Variants in SUMF1 observed in about 807,000 individuals in gnomAD.
The protein encoded by SUMF1 is formylglycine-generating enzyme.
In SUMF1, 48 loss-of-function variants were observed where a neutral mutation model predicts 47.6. That is an observed-to-expected ratio of 1.01 (90% CI 0.80 to 1.28). The LOEUF is 1.28. Among genes scored for constraint, SUMF1 ranks in the 50% most tolerant of loss-of-function variants. SUMF1 has a pLI of 0.00. For synonymous variants in SUMF1, 230 were observed against 192.1 expected, an observed-to-expected ratio of 1.20 and a Z score of -1.63; for missense variants, 571 against 485.4, an observed-to-expected ratio of 1.18 and a Z score of -1.66.
Position 4,217,514 on chromosome 3 carries a change from T to TATATATATATATATATAAATATA in SUMF1, c.1015-148770_1015-148769insTATATTTATATATATATATATAT, listed in dbSNP as rs1553610066. Among the ~76,000 whole-genome samples, 7 of 45,198 alleles carry TATATATATATATATATAAATATA rather than the reference T, an allele frequency of 1.5e-4. 2 individuals carry two copies. The highest frequency in any genetic ancestry group is 5.2e-4 in the African/African-American group (5 of 9,624). 29.7% of individuals were successfully genotyped at this position (45,198 alleles called of 152,430 possible). A position where few individuals can be genotyped will look rare whatever the true frequency, so the allele number is the denominator to read the frequency against. ...TGTATCCCAGAACTTAAAGTATTTT[T>TATATATATATATATATAAATATA]TATATATATATATATATATATATAT... On this transcript the variant is annotated intron_variant and NMD_transcript_variant, in intron 8 of 12. Transcript: ENST00000448413.
At chr3:4,195,870 A>C (rs1695416076) in intron 8 of SUMF1, among the ~76,000 whole-genome samples, 3 of 152,176 alleles carry the variant, frequency 2.0e-5, no homozygotes, top group Admixed American at 6.6e-5. Context: ...TATCTATGAA[A>C]AAACACCAAA....
intron 1 of SUMF1, among the ~76,000 whole-genome samples, chr3:4,456,813 CGTGT>C (rs764743431): frequency 1.1e-4 from 12 of 112,520 alleles, no homozygotes; most frequent in Middle Eastern, 5.1e-3. Flanking sequence ...TATATATATA[CGTGT>C]GTGTGTATAT....
chr3:4,313,521 T>C (rs375310794), intron 8 of SUMF1: 13 of 1,613,930 alleles, frequency 8.1e-6, no homozygotes, highest in South Asian at 1.1e-5. Context: ...AACTCTCTTA[T>C]GATTATTCAG....
At chr3:4,425,855 G>T (rs1418994108) in intron 3 of SUMF1, among the ~76,000 whole-genome samples, 1 of 152,222 alleles carries the variant, frequency 6.6e-6, no homozygotes, top group African/African-American at 2.4e-5. Context: ...GGAAGGTAAA[G>T]GGGCAGCAAA....
intron 8 of SUMF1, among the ~76,000 whole-genome samples, chr3:4,134,083 T>A (rs1243705617): frequency 1.3e-5 from 2 of 151,986 alleles, no homozygotes; most frequent in Non-Finnish European, 2.9e-5. Context: ...AACAAGGATA[T>A]CCAGGAATTG....
chr3:4,146,433 T>C (rs1694194993), intron 8 of SUMF1, among the ~76,000 whole-genome samples: 1 of 151,962 alleles, frequency 6.6e-6, no homozygotes. Flanking sequence ...GGAGAAGTCT[T>C]TAGTACTTTC....
chr3:4,328,255 A>C (rs527469189), intron 8 of SUMF1, among the ~76,000 whole-genome samples: 1 of 152,172 alleles, frequency 6.6e-6, no homozygotes, highest in South Asian at 2.1e-4. Context: ...TAAATGAATA[A>C]AAATATTTAT....
chr3:4,452,973 G>C lies in SUMF1; in HGVS notation c.347C>G (p.Ala116Gly), dbSNP rs759486227. ...AAAGGCATCAATAGTAACTCTCCTC[G>C]CAGGTGCTTCCCCATCCTGCTTTAT... ...PQIKQDGEAP[A>G]RRVTIDAFYM... Residue 116 changes from alanine to glycine, a missense_variant, in exon 2 of 9, where the codon GCG becomes GGG. Ala to Gly is a moderately conservative substitution (Grantham distance 60, BLOSUM62 0). Coordinates refer to ENST00000272902, the MANE Select transcript of SUMF1 (RefSeq NM_182760.4). The C allele has an allele frequency of 9.3e-6, 15 of 1,613,924 alleles. No homozygotes were observed. The highest frequency in any genetic ancestry group is 1.1e-5 in the South Asian group (1 of 91,084).
At chr3:4,457,493 A>G (rs2125154674) in intron 1 of SUMF1, among the ~76,000 whole-genome samples, 1 of 152,320 alleles carries the variant, frequency 6.6e-6, no homozygotes, top group East Asian at 1.9e-4. Context: ...TCTGACTTCA[A>G]AATATACTAC....
At chr3:4,220,158 G>T (rs773956472) in intron 8 of SUMF1, among the ~76,000 whole-genome samples, 1 of 152,108 alleles carries the variant, frequency 6.6e-6, no homozygotes, top group Non-Finnish European at 1.5e-5. Flanking sequence ...GGCTCCATTA[G>T]ACATTAGTAA....
At chr3:4,444,872 T>C (rs962398449) in intron 3 of SUMF1, among the ~76,000 whole-genome samples, 1 of 152,138 alleles carries the variant, frequency 6.6e-6, no homozygotes, top group Non-Finnish European at 1.5e-5. Context: ...TACTACAAGA[T>C]ACTAGAGCTT....
intron 3 of SUMF1, among the ~76,000 whole-genome samples, chr3:4,425,144 T>G (rs761471614): frequency 6.6e-6 from 1 of 152,146 alleles, no homozygotes; most frequent in Non-Finnish European, 1.5e-5. Context: ...TAATACACAG[T>G]TTATAGTAGC....
intron 8 of SUMF1, among the ~76,000 whole-genome samples, chr3:4,098,574 G>C (rs931503208): frequency 2.0e-5 from 3 of 152,106 alleles, no homozygotes; most frequent in African/African-American, 7.2e-5. Context: ...TGTCTACTCT[G>C]AAAGCTTTCT....
chr3:4,368,345 T>G (rs1559250588), intron 8 of SUMF1, among the ~76,000 whole-genome samples: 1 of 152,228 alleles, frequency 6.6e-6, no homozygotes, highest in Admixed American at 6.5e-5. Flanking sequence ...CAACAGGTGC[T>G]GGAGAGGATG....
chr3:4,181,435 A>G (rs1355042311), intron 8 of SUMF1, among the ~76,000 whole-genome samples: 2 of 152,144 alleles, frequency 1.3e-5, no homozygotes, highest in African/African-American at 4.8e-5. Context: ...AGAAAAATAT[A>G]TCTTCTTGGG....
chr3:4,160,487 G>A (rs905970943), intron 8 of SUMF1, among the ~76,000 whole-genome samples: 3 of 151,924 alleles, frequency 2.0e-5, no homozygotes, highest in Admixed American at 1.3e-4. Context: ...TGATCTGCCC[G>A]CTTTGGTCCA....
intron 8 of SUMF1, chr3:4,229,458 T>C (rs1696249626): frequency 4.2e-6 from 1 of 240,360 alleles, no homozygotes; most frequent in African/African-American, 2.3e-5. Flanking sequence ...AACCAGGTAA[T>C]TTGAGAAAAA....
chr3:4,072,765 G>C (rs1044557891), intron 8 of SUMF1, among the ~76,000 whole-genome samples: 4 of 152,142 alleles, frequency 2.6e-5, no homozygotes, highest in Admixed American at 6.5e-5. Context: ...GAAATGAAGT[G>C]AGAAGACAAG....
At chr3:4,368,570 A>T (rs1032073077) in intron 8 of SUMF1, among the ~76,000 whole-genome samples, 1 of 152,146 alleles carries the variant, frequency 6.6e-6, no homozygotes, top group East Asian at 1.9e-4. Flanking sequence ...CACAATAGCA[A>T]AGACTTGGAA....
Sources: allele counts gnomAD v4.1 joint callset (sites outside exome capture counted in the v4.1 genomes callset), GRCh38; gene constraint gnomAD v4.1.1; transcripts MANE v1.5; gene names NCBI Gene and HGNC (gene_info 2026-07-23, HGNC 2026-07-21).